Variants in EFCC1 observed in about 807,000 individuals in gnomAD.
EFCC1 encodes EF-hand and coiled-coil domain containing 1, also known as EF-hand and coiled-coil domain-containing protein 1.
A neutral mutation model predicts 52.1 loss-of-function variants in EFCC1; 50 were observed. The observed-to-expected ratio is 0.96, with a 90% CI of 0.76 to 1.21. The LOEUF (loss-of-function observed/expected upper bound fraction) is 1.21, where lower values mean the gene tolerates loss of function less well. EFCC1 is among the 50% of genes most tolerant of loss of function. The pLI is 0.00. For missense variants in EFCC1, 837 were observed against 867.3 expected (o/e 0.97, Z 0.44); for synonymous variants, 399 against 396.5 (o/e 1.01, Z -0.08).
chr3:129,039,413 G>C (rs1946396270), intron 7 of EFCC1, among the ~76,000 whole-genome samples: 1 of 152,234 alleles, frequency 6.6e-6, no homozygotes, highest in African/African-American at 2.4e-5. Context: ...TTCACAGGCT[G>C]ACAAGGCAAC....
In EFCC1 at chr3:129,002,222, G is replaced by A. The variant is rs778258835; in HGVS notation, c.594G>A (p.Glu198=). 2.6e-6 allele frequency: 4 copies of A among 1,528,788 alleles called. 1 individual carries two copies. In the South Asian group the frequency reaches 3.6e-5, roughly 14 times the overall value. The allele number at this position is 1,528,788 out of a possible 1,614,324, so 94.7% of individuals were successfully genotyped here. A position where few individuals can be genotyped will look rare whatever the true frequency, so the allele number is the denominator to read the frequency against. Residue 198 remains glutamate (E), a synonymous_variant, in exon 1 of 8, where the codon GAG becomes GAA. Transcript: ENST00000683648. ...APGPDSGPDC[E]RVARLEEENS... ...GCCCCGACAGCGGTCCTGACTGTGA[G>A]CGCGTTGCGCGGCTGGAGGAGGAGA...
At chr3:129,008,380 C>G (rs12497865) in intron 2 of EFCC1, among the ~76,000 whole-genome samples, 31,934 of 152,120 alleles carry the variant, frequency 0.21, 3,678 homozygotes, top group Middle Eastern at 0.28. Context: ...TTGGAGGTCT[C>G]CTCTTCTTGA....
At chr3:129,021,551 G>A (rs968355051) in intron 2 of EFCC1, among the ~76,000 whole-genome samples, 2 of 152,282 alleles carry the variant, frequency 1.3e-5, no homozygotes, top group Middle Eastern at 3.4e-3. Context: ...TCCAGCCTGG[G>A]CAACAAGATT....
intron 6 of EFCC1, among the ~76,000 whole-genome samples, chr3:129,038,518 CA>C (rs1946384587): frequency 1.3e-5 from 2 of 152,232 alleles, no homozygotes; most frequent in African/African-American, 4.8e-5. Flanking sequence ...TTGCAAAAAT[CA>C]AATGAGCAAA....
intron 2 of EFCC1, among the ~76,000 whole-genome samples, chr3:129,012,650 C>T (rs1157956095): frequency 6.6e-6 from 1 of 152,164 alleles, no homozygotes; most frequent in Non-Finnish European, 1.5e-5. Context: ...TTGGCCCGGA[C>T]CAGGGCACAC....
chr3:129,028,408 T>A (rs1946190944), intron 2 of EFCC1, among the ~76,000 whole-genome samples: 1 of 152,066 alleles, frequency 6.6e-6, no homozygotes, highest in Non-Finnish European at 1.5e-5. Flanking sequence ...TTAAAAAAAA[T>A]AATCTCCATG....
chr3:129,015,780 C>T (rs192331293), intron 2 of EFCC1, among the ~76,000 whole-genome samples: 1 of 151,370 alleles, frequency 6.6e-6, no homozygotes, highest in Non-Finnish European at 1.5e-5. Flanking sequence ...TGCATCCCGC[C>T]CCCCTACCCC....
chr3:129,030,840 G>A lies in EFCC1; in HGVS notation c.1118G>A (p.Gly373Glu), dbSNP rs1329876759. 4.5e-6 allele frequency: 7 copies of A among 1,551,232 alleles called. No homozygotes were observed. The Admixed American group carries it at 1.4e-4, about 30-fold the overall frequency. ...EGAWQSDSSSGSRALDEAVDE... is the reference protein window; with the variant it reads ...EGAWQSDSSSESRALDEAVDE... ...GCCTGGCAGTCAGACAGCAGCTCTG[G>A]AAGCAGAGCCCTGGATGAAGGTTTG... The change falls in exon 3 of 8, where the codon GGA (glycine) becomes GAA (glutamate). Residue 373 changes from glycine (G) to glutamate (E), a missense_variant. Coordinates refer to ENST00000683648, the MANE Select transcript of EFCC1 (RefSeq NM_001377500.1).
intron 2 of EFCC1, among the ~76,000 whole-genome samples, chr3:129,012,082 T>C (rs1251445939): frequency 6.6e-6 from 1 of 152,228 alleles, no homozygotes; most frequent in Non-Finnish European, 1.5e-5. Flanking sequence ...TGGGGTGGCC[T>C]GAAGTGCCAG....
intron 2 of EFCC1, among the ~76,000 whole-genome samples, chr3:129,020,673 T>C (rs1945798213): frequency 6.6e-6 from 1 of 152,062 alleles, no homozygotes; most frequent in Admixed American, 6.6e-5. Flanking sequence ...AAGTTGAGTC[T>C]CAAAGAGGTG....
At position 129,001,546 on chromosome 3, in the gene EFCC1, G is replaced by A. The variant is rs1159230998; in HGVS notation, c.-83G>A. On this transcript the variant is annotated 5_prime_UTR_variant, in exon 1 of 8. Coordinates refer to ENST00000683648, the MANE Select transcript of EFCC1 (RefSeq NM_001377500.1). ...CCGCGACCGCTAAGCCCCTCCTTTC[G>A]AGAAACTCTGGGGCCGCCCCTGGAA... 3.0e-6 allele frequency: 4 copies of A among 1,341,454 alleles called. No individual in the cohort carries two copies. The highest frequency in any genetic ancestry group is 3.8e-6 in the Non-Finnish European group (4 of 1,052,494). 83.1% of individuals were successfully genotyped at this position (1,341,454 alleles called of 1,614,324 possible).
intron 2 of EFCC1, among the ~76,000 whole-genome samples, chr3:129,024,872 G>A (rs1946035466): frequency 1.3e-5 from 2 of 152,198 alleles, no homozygotes; most frequent in African/African-American, 4.8e-5. Flanking sequence ...GGAGAGGTGA[G>A]TTCTGAGAAA....
At chr3:129,038,715 A>G in intron 6 of EFCC1, 116 bp from the exon 7 acceptor site, 3 of 957,414 alleles carry the variant, frequency 3.1e-6, no homozygotes, top group East Asian at 2.4e-5. Context: ...GTGGGGGAGG[A>G]GCTTTATCTG....
At chr3:129,022,076 C>CT (rs768469266) in intron 2 of EFCC1, among the ~76,000 whole-genome samples, 2 of 152,172 alleles carry the variant, frequency 1.3e-5, no homozygotes, top group South Asian at 4.1e-4. Context: ...GTGCTGGTGT[C>CT]TAAGCATTTA....
In EFCC1 at chr3:129,040,271, C is replaced by T. The variant is rs1004152255; in HGVS notation, c.*423C>T. 4.1e-5 allele frequency: 7 copies of T among 172,114 alleles called. No homozygotes were observed. The highest frequency in any genetic ancestry group is 6.1e-5 in the Non-Finnish European group (5 of 82,048). The allele number at this position is 172,114 out of a possible 1,614,324, so 10.7% of individuals were successfully genotyped here. A position where few individuals can be genotyped will look rare whatever the true frequency, so the allele number is the denominator to read the frequency against. ...CCTCCCACTGGCATGCCTGCTGCAA[C>T]GGAGACTGGGCCCAACCTTTGGGAT... On this transcript the variant is annotated 3_prime_UTR_variant, in exon 8 of 8. Transcript: ENST00000683648. This position sits in a 1 kb window ranked among gnomAD's most constrained non-coding sequence, Gnocchi z 4.4.
At position 129,001,619 on chromosome 3, in the gene EFCC1, C is replaced by A; in HGVS notation, c.-10C>A. The A allele has an allele frequency of 7.4e-7, 1 of 1,351,192 alleles. No individual in the cohort carries two copies. The highest frequency in any genetic ancestry group is 9.5e-7 in the Non-Finnish European group (1 of 1,056,768). 83.7% of individuals were successfully genotyped at this position (1,351,192 alleles called of 1,614,324 possible). On this transcript the variant is annotated 5_prime_UTR_variant, in exon 1 of 8. Transcript: ENST00000683648. ...GGAGGGACCGGAGGAGCGAGGCGCG[C>A]GGCGCAGCGATGGAGCCGGTCAGCA...
intron 2 of EFCC1, among the ~76,000 whole-genome samples, chr3:129,006,287 AG>A (rs1945071011): frequency 6.6e-6 from 1 of 152,168 alleles, no homozygotes; most frequent in Non-Finnish European, 1.5e-5. Context: ...CCTGTTAGTC[AG>A]TCCCAAACAA....
chr3:129,037,392 A>C (rs1441380079), intron 6 of EFCC1, among the ~76,000 whole-genome samples: 1 of 152,252 alleles, frequency 6.6e-6, no homozygotes, highest in African/African-American at 2.4e-5. Flanking sequence ...AAAGACAAGA[A>C]AGGAAAATTA....
intron 1 of EFCC1, among the ~76,000 whole-genome samples, chr3:129,003,563 G>A (rs564812360): frequency 2.4e-4 from 36 of 151,894 alleles, no homozygotes; most frequent in Middle Eastern, 3.4e-3. Context: ...AAACGTTGGG[G>A]GGTGGGGGAT....
Sources: allele counts gnomAD v4.1 joint callset (sites outside exome capture counted in the v4.1 genomes callset), GRCh38; gene constraint gnomAD v4.1.1; non-coding constraint Gnocchi (gnomAD v3.1); transcripts MANE v1.5; gene names NCBI Gene and HGNC (gene_info 2026-07-23, HGNC 2026-07-21).